ADCYAP1R1: variants seen among roughly 807,000 people sequenced by gnomAD.
ADCYAP1R1 encodes pituitary adenylate cyclase-activating polypeptide type I receptor.
ADCYAP1R1 carries 44 observed loss-of-function variants against 67.6 expected under a neutral mutation model. That is an observed-to-expected ratio of 0.65 (90% CI 0.51 to 0.84). ADCYAP1R1 has a LOEUF of 0.84. ADCYAP1R1 is among the 40% of genes least tolerant of loss of function. ADCYAP1R1 has a pLI of 0.00. For synonymous variants in ADCYAP1R1, 222 were observed against 219.6 expected (o/e 1.01, Z -0.10); for missense variants, 477 against 587.9 (o/e 0.81, Z 1.95).
At chr7:31,095,769 C>T in intron 13 of ADCYAP1R1, 1 of 717,702 alleles carries the variant, frequency 1.4e-6, no homozygotes, top group South Asian at 1.5e-5. Context: ...GTTCCAGCTG[C>T]TCAGGTGATA....
At chr7:31,095,693 A>G (rs1453789414) in intron 13 of ADCYAP1R1, 3 of 718,092 alleles carry the variant, frequency 4.2e-6, no homozygotes, top group East Asian at 2.7e-5. Flanking sequence ...CGAGTCCCCA[A>G]GAAAGCCCGA....
intron 3 of ADCYAP1R1, 71 bp from the exon 4 acceptor site, chr7:31,077,920 G>A: frequency 1.0e-6 from 1 of 977,072 alleles, no homozygotes; most frequent in Non-Finnish European, 1.6e-6. Context: ...TGGTGTGTGT[G>A]ATGTGTGTGG....
chr7:31,093,703 G>T (rs770974136), intron 13 of ADCYAP1R1, among the ~76,000 whole-genome samples: 36 of 152,172 alleles, frequency 2.4e-4, no homozygotes, highest in Non-Finnish European at 4.7e-4. Flanking sequence ...CGCTCCTTCA[G>T]AAGAAAGCAG....
intron 6 of ADCYAP1R1, among the ~76,000 whole-genome samples, chr7:31,083,550 C>T (rs1239813639): frequency 3.3e-5 from 5 of 152,194 alleles, no homozygotes; most frequent in African/African-American, 7.2e-5. Flanking sequence ...TCGTAAGATC[C>T]GGCCCTACGT....
At chr7:31,099,454 C>T (rs1397373372) in intron 13 of ADCYAP1R1, among the ~76,000 whole-genome samples, 7 of 152,186 alleles carry the variant, frequency 4.6e-5, no homozygotes, top group Non-Finnish European at 1.0e-4. Context: ...CAAATAGCCA[C>T]ATATGGGTAG....
intron 13 of ADCYAP1R1, among the ~76,000 whole-genome samples, chr7:31,099,558 T>C (rs2128638606): frequency 6.6e-6 from 1 of 152,250 alleles, no homozygotes; most frequent in East Asian, 1.9e-4. Context: ...TGATTCTGAG[T>C]TGCTGGGGGG....
At chr7:31,074,497 A>G (rs977738807) in intron 3 of ADCYAP1R1, among the ~76,000 whole-genome samples, 2 of 151,652 alleles carry the variant, frequency 1.3e-5, no homozygotes, top group African/African-American at 4.8e-5. Flanking sequence ...CGCCCTCAAC[A>G]CTCATGACCC....
intron 3 of ADCYAP1R1, among the ~76,000 whole-genome samples, chr7:31,075,279 C>G (rs960224786): frequency 6.6e-5 from 10 of 152,184 alleles, no homozygotes; most frequent in Admixed American, 5.2e-4. Flanking sequence ...GAGCCTGGCT[C>G]TATTCTGAGA....
rs1405006820 is a variant in ADCYAP1R1 at position 31,063,234 on chromosome 7, G to A, written c.-31G>A. The A allele has an allele frequency of 3.7e-6, 6 of 1,613,846 alleles. No individual in the cohort carries two copies. Among genetic ancestry groups the A allele is most frequent in the Admixed American group, 1.7e-5 (1 of 59,998 alleles). ...GGGCTGACCTGCCGCTGCTGTCAGT[G>A]GGAGGCCAGTGGTGCTGGCCAAGAA... On this transcript the variant is annotated 5_prime_UTR_variant, in exon 2 of 16. Coordinates refer to ENST00000304166, the MANE Select transcript of ADCYAP1R1 (RefSeq NM_001118.5).
intron 13 of ADCYAP1R1, among the ~76,000 whole-genome samples, chr7:31,095,030 C>T (rs140296948): frequency 7.0e-4 from 107 of 152,216 alleles, no homozygotes; most frequent in African/African-American, 2.5e-3. Flanking sequence ...TTCAGTCCAG[C>T]AGCATGTTTG....
rs1459450943 is a variant in ADCYAP1R1, at chr7:31,087,543, C to G, written c.885-84C>G. ...GCTGCGGTGGTGAAAGTGTCGGGCA[C>G]CCAGCTAGGCAGGGCAGTGTCCCGC... On this transcript the variant is annotated intron_variant, in intron 11 of 15. Transcript: ENST00000304166. 3.9e-6 allele frequency: 5 copies of G among 1,276,950 alleles called. No individual in the cohort carries two copies. The African/African-American group carries it at 5.9e-5, about 15-fold the overall frequency. The allele number at this position is 1,276,950 out of a possible 1,614,324, so 79.1% of individuals were successfully genotyped here.
Position 31,086,552 on chromosome 7 carries a change from G to A in ADCYAP1R1, c.823+15G>A, listed in dbSNP as rs756944794. 6.2e-7 allele frequency: 1 copy of A among 1,614,132 alleles called. No individual in the cohort carries two copies. The highest frequency in any genetic ancestry group is 1.3e-5 in the African/African-American group (1 of 75,076). On this transcript the variant is annotated intron_variant, in intron 10 of 15. Transcript: ENST00000304166. This position sits in a 1 kb window ranked among gnomAD's most constrained non-coding sequence, Gnocchi z 5.0. ...CATTGGCTGGGGTAGGTTCCTGGCTGTGGCTTGGACAGGTTCAGGTCCCGT... is the reference window on the plus strand; with the variant it reads ...CATTGGCTGGGGTAGGTTCCTGGCTATGGCTTGGACAGGTTCAGGTCCCGT...
chr7:31,056,711 C>G (rs1019871297), intron 1 of ADCYAP1R1, among the ~76,000 whole-genome samples: 1 of 152,198 alleles, frequency 6.6e-6, no homozygotes. Flanking sequence ...ATCTCTGCTC[C>G]CCAGCCTTTG....
At chr7:31,078,184 C>T (rs935809690) in intron 4 of ADCYAP1R1, 86 bp downstream of exon 4, 11 of 1,077,074 alleles carry the variant, frequency 1.0e-5, no homozygotes, top group East Asian at 9.8e-5. Context: ...GACAGGGAGG[C>T]CACCCTGTGG....
intron 13 of ADCYAP1R1, among the ~76,000 whole-genome samples, chr7:31,099,768 C>T (rs578222463): frequency 5.3e-5 from 8 of 152,294 alleles, no homozygotes; most frequent in South Asian, 2.1e-4. Context: ...CTTGACGAGG[C>T]GGGGCTCTAA....
chr7:31,074,242 T>A (rs1428673454), intron 3 of ADCYAP1R1, among the ~76,000 whole-genome samples: 1 of 152,128 alleles, frequency 6.6e-6, no homozygotes, highest in Non-Finnish European at 1.5e-5. Context: ...AAATCAGAAC[T>A]CAAGTTTTGG....
intron 2 of ADCYAP1R1, among the ~76,000 whole-genome samples, chr7:31,064,406 G>A (rs1794642920): frequency 6.6e-6 from 1 of 152,152 alleles, no homozygotes; most frequent in Admixed American, 6.5e-5. Context: ...ATATGACTTT[G>A]AGCAAGTGAC....
At chr7:31,074,740 A>G (rs910980971) in intron 3 of ADCYAP1R1, among the ~76,000 whole-genome samples, 1 of 152,252 alleles carries the variant, frequency 6.6e-6, no homozygotes, top group Admixed American at 6.5e-5. Flanking sequence ...CATGCTGGCT[A>G]GATGTCCTCT....
intron 14 of ADCYAP1R1, 79 bp from the exon 15 acceptor site, chr7:31,104,789 A>G: frequency 6.6e-7 from 1 of 1,506,892 alleles, no homozygotes. Context: ...TGCTTCCTAG[A>G]GTCATCCCCT....
Sources: allele counts gnomAD v4.1 joint callset (sites outside exome capture counted in the v4.1 genomes callset), GRCh38; gene constraint gnomAD v4.1.1; non-coding constraint Gnocchi (gnomAD v3.1); transcripts MANE v1.5; gene names NCBI Gene and HGNC (gene_info 2026-07-23, HGNC 2026-07-21).